Variants in SMG5 observed in about 807,000 individuals in gnomAD.
SMG5 encodes nonsense-mediated mRNA decay factor SMG5.
A neutral mutation model predicts 122.9 loss-of-function variants in SMG5; 53 were observed. That is an observed-to-expected ratio of 0.43 (90% confidence interval 0.35 to 0.54). The LOEUF (loss-of-function observed/expected upper bound fraction) is 0.54, where lower values mean the gene tolerates loss of function less well. Ranked by LOEUF, SMG5 falls within the 20% of genes least tolerant of loss-of-function variation. SMG5 has a pLI of 0.01. For missense variants in SMG5, 1,153 were observed against 1,285.6 expected (o/e 0.90, Z 1.58); for synonymous variants, 477 against 490.2 (o/e 0.97, Z 0.35).
Position 156,259,016 on chromosome 1 carries a change from G to A in SMG5, c.2431C>T (p.Gln811Ter). The A allele has an allele frequency of 6.2e-7, 1 of 1,613,906 alleles. No individual in the cohort carries two copies. The change falls in exon 16 of 22, where the codon CAG becomes TAG. Residue 811 changes from glutamine to a stop codon, truncating the protein, a stop_gained. Transcript: ENST00000361813. LOFTEE classifies it high-confidence loss of function. ...AAGGCCTGACTCACCATTCGGAACT[G>A]TGCCTGGGCCTGCTGCAGCAGGCTC... ...QESLLQQAQA[Q>*]FRMAQEEARR...
intron 1 of SMG5, 133 bp downstream of exon 1, chr1:156,282,474 C>T (rs1662998047): frequency 2.2e-6 from 2 of 899,722 alleles, no homozygotes; most frequent in East Asian, 5.3e-5. Context: ...CCCCGCCCCG[C>T]CTCCAAAATT....
chr1:156,286,098 C>A (rs1663151524), upstream of SMG5: 1 of 1,461,684 alleles, frequency 6.8e-7, no homozygotes, highest in African/African-American at 1.4e-5. Flanking sequence ...CTCAGGGTCT[C>A]CCACCCCCTG....
Position 156,266,368 on chromosome 1 carries a change from G to A in SMG5, c.1268C>T (p.Ser423Phe). 1 of 1,611,864 alleles carries A rather than the reference G, an allele frequency of 6.2e-7. No homozygotes were observed. Among genetic ancestry groups the A allele is most frequent in the Non-Finnish European group, 8.5e-7 (1 of 1,178,376 alleles). Residue 423 changes from serine to phenylalanine, a missense_variant, in exon 12 of 22, where the codon TCC becomes TTC. This residue lies in a region of SMG5 where 631 missense variants were observed against 650.6 expected (regional missense o/e 0.97). Transcript: ENST00000361813. ...CTCCTCTTTCTCCACAGGTTCCTTG[G>A]ACTCTGGTTCATCTGCGGAAAGAGG... Reference protein sequence around the residue: ...FQSDGTDEPESKEPVEKEEEP... With the variant: ...FQSDGTDEPEFKEPVEKEEEP...
In SMG5 at chr1:156,265,954, G is replaced by T. The variant is rs983807856; in HGVS notation, c.1682C>A (p.Ala561Asp). 1.9e-6 allele frequency: 3 copies of T among 1,614,068 alleles called. No individual in the cohort carries two copies. The African/African-American group carries it at 4.0e-5, about 22-fold the overall frequency. ...SLNGPLGPSE[A>D]SIASNLQAMS... ...GGCTTGTAGATTGCTGGCAATGCTA[G>T]CCTCACTGGGGCCCAGTGGGCCATT... Residue 561 changes from alanine (A) to aspartate (D), a missense_variant, in exon 12 of 22, where the codon GCT becomes GAT. By Grantham distance (126) the Ala-to-Asp change is moderately radical. Transcript: ENST00000361813.
intron 1 of SMG5, among the ~76,000 whole-genome samples, chr1:156,280,607 T>C (rs1416976759): frequency 6.6e-6 from 1 of 152,210 alleles, no homozygotes; most frequent in East Asian, 1.9e-4. Flanking sequence ...GCTTTTATCT[T>C]TGGTGCCATG....
intron 16 of SMG5, among the ~76,000 whole-genome samples, 183 bp downstream of exon 16, chr1:156,258,822 C>T (rs547084133): frequency 6.6e-6 from 1 of 151,958 alleles, no homozygotes; most frequent in Non-Finnish European, 1.5e-5. Context: ...CCTCTCAGTC[C>T]CTGTCTATCA....
At chr1:156,258,351 A>T (rs149385463) in intron 16 of SMG5, among the ~76,000 whole-genome samples, 403 of 152,374 alleles carry the variant, frequency 2.6e-3, no homozygotes, top group African/African-American at 9.2e-3. Context: ...AAAACTCCAT[A>T]AAGTGGATTC....
intron 1 of SMG5, among the ~76,000 whole-genome samples, chr1:156,280,076 T>C (rs970660642): frequency 2.0e-5 from 3 of 152,158 alleles, no homozygotes; most frequent in Admixed American, 2.0e-4. Context: ...TTAGTCTCCA[T>C]CCTTCTTGTT....
chr1:156,288,158 A>T, the SMG5 span, among the ~76,000 whole-genome samples: 1 of 149,518 alleles, frequency 6.7e-6, no homozygotes, highest in African/African-American at 2.5e-5. Flanking sequence ...AGATAGCGCC[A>T]CTGCAGTCTG....
chr1:156,276,193 C>A (rs1157688555), intron 4 of SMG5, among the ~76,000 whole-genome samples: 1 of 145,270 alleles, frequency 6.9e-6, no homozygotes, highest in Non-Finnish European at 1.5e-5. Flanking sequence ...GTGGCGTGAT[C>A]TTGGCTCACT....
At position 156,277,979 on chromosome 1, in the gene SMG5, C is replaced by G. The variant is rs1572599623; in HGVS notation, c.243G>C (p.Leu81=). 6.2e-7 allele frequency: 1 copy of G among 1,614,156 alleles called. No individual in the cohort carries two copies. Among genetic ancestry groups the G allele is most frequent in the Non-Finnish European group, 8.5e-7 (1 of 1,179,992 alleles). The change falls in exon 3 of 22, where the codon CTG becomes CTC. Residue 81 remains leucine (L), a synonymous_variant. Coordinates refer to ENST00000361813, the MANE Select transcript of SMG5 (RefSeq NM_015327.3). ...CTTCATAGTATACCTTTCTCCACAG[C>G]AGCTCCTCAGCCTTTCTCCCATAGT... The part of the protein sequence containing the change: ...PVDYGRKAEE[L]LWRKVYYEVI...
chr1:156,265,526 G>A (rs1241955037), intron 12 of SMG5, among the ~76,000 whole-genome samples: 1 of 152,018 alleles, frequency 6.6e-6, no homozygotes, highest in Non-Finnish European at 1.5e-5. Flanking sequence ...GTGTAGGGAG[G>A]AAAGCCCCAA....
chr1:156,285,704 A>G, upstream of SMG5: 2 of 1,613,408 alleles, frequency 1.2e-6, no homozygotes, highest in South Asian at 2.2e-5. Flanking sequence ...CCGAACCTTC[A>G]TGCCCCCCCG....
At chr1:156,288,815 A>G in the SMG5 span, among the ~76,000 whole-genome samples, 2 of 152,226 alleles carry the variant, frequency 1.3e-5, no homozygotes, top group South Asian at 4.1e-4. Flanking sequence ...TTCCCAAAAT[A>G]AATATGTTCC....
chr1:156,282,508 C>T (rs1261932337), intron 1 of SMG5, 99 bp downstream of exon 1: 38 of 1,352,762 alleles, frequency 2.8e-5, no homozygotes, highest in Non-Finnish European at 3.8e-5. Flanking sequence ...TCACCCGCAC[C>T]TCACCCCGAC....
At chr1:156,267,246 G>A (rs545022523) in intron 10 of SMG5, among the ~76,000 whole-genome samples, 1 of 152,324 alleles carries the variant, frequency 6.6e-6, no homozygotes, top group Admixed American at 6.5e-5. Flanking sequence ...TTTATGGGAG[G>A]CAGTAAGGAG....
chr1:156,285,798 G>A (rs768421803), upstream of SMG5: 1 of 1,613,700 alleles, frequency 6.2e-7, no homozygotes, highest in South Asian at 1.1e-5. Context: ...GGCTGCGGGA[G>A]CTGTGGAGAC....
chr1:156,281,783 G>C (rs1035424467), intron 1 of SMG5, among the ~76,000 whole-genome samples: 1 of 152,204 alleles, frequency 6.6e-6, no homozygotes, highest in Admixed American at 6.5e-5. Flanking sequence ...CCATGTTCCA[G>C]TTGACCTACC....
chr1:156,272,935 T>A (rs1662500069), intron 6 of SMG5, among the ~76,000 whole-genome samples: 1 of 152,058 alleles, frequency 6.6e-6, no homozygotes. Flanking sequence ...ATTGATGGAG[T>A]ACCATTCCTC....
Sources: allele counts gnomAD v4.1 joint callset (sites outside exome capture counted in the v4.1 genomes callset), GRCh38; gene constraint gnomAD v4.1.1; regional missense constraint gnomAD v4.1.1; transcripts MANE v1.5; gene names NCBI Gene and HGNC (gene_info 2026-07-23, HGNC 2026-07-21).